Variants in PCSK5 observed in about 807,000 individuals in gnomAD.
PCSK5 encodes the protein proprotein convertase subtilisin/kexin type 5, also known as prohormone convertase 5.
A neutral mutation model predicts 233.2 loss-of-function variants in PCSK5; 129 were observed. The observed-to-expected ratio is 0.55, with a 90% CI of 0.48 to 0.64. The LOEUF is 0.64. Ranked by LOEUF, PCSK5 falls within the 30% of genes least tolerant of loss-of-function variation. PCSK5 has a pLI of 0.00. For synonymous variants in PCSK5, 825 were observed against 879.2 expected (o/e 0.94, Z 1.09); for missense variants, 2,076 against 2,430.1 (o/e 0.85, Z 3.06).
intron 20 of PCSK5, among the ~76,000 whole-genome samples, chr9:76,217,639 G>A (rs1392187143): frequency 6.6e-6 from 1 of 152,142 alleles, no homozygotes; most frequent in African/African-American, 2.4e-5. Flanking sequence ...CACCTCTTGG[G>A]GGAAGGCATG....
At chr9:76,257,982 G>A (rs530068872) in intron 24 of PCSK5, among the ~76,000 whole-genome samples, 1 of 152,160 alleles carries the variant, frequency 6.6e-6, no homozygotes, top group African/African-American at 2.4e-5. Flanking sequence ...TGAGACAAGT[G>A]AATATTGTTT....
At position 76,071,914 on chromosome 9, in the gene PCSK5, A is replaced by T. The variant is rs376353740; in HGVS notation, c.894+16A>T. 16 of 1,611,326 alleles carry T rather than the reference A, an allele frequency of 9.9e-6. No individual in the cohort carries two copies. The highest frequency in any genetic ancestry group is 1.4e-5 in the Non-Finnish European group (16 of 1,178,076). On this transcript the variant is annotated intron_variant, in intron 7 of 37. Transcript: ENST00000674117. ...CGTTAGAATGGTAGGTTTTAAAAGC[A>T]TGGAGGCTTATACTGTGTGGATGGG... is the stretch of plus-strand genomic sequence containing the variant.
chr9:76,322,477 A>C (rs1564179383), intron 31 of PCSK5, among the ~76,000 whole-genome samples: 2 of 152,336 alleles, frequency 1.3e-5, no homozygotes, highest in East Asian at 3.9e-4. Flanking sequence ...AGACTCATTT[A>C]ACTGGTGCTG....
intron 5 of PCSK5, among the ~76,000 whole-genome samples, chr9:76,040,325 G>GTCTCTCTCTCTCTCTCTC (rs757550088): frequency 1.5e-4 from 12 of 79,042 alleles, no homozygotes; most frequent in Non-Finnish European, 2.4e-4. Flanking sequence ...TGTGTTCTCT[G>GTCTCTCTCTCTCTCTCTC]TCTCTCTCTC....
At chr9:76,070,348 C>T (rs573071658) in intron 6 of PCSK5, among the ~76,000 whole-genome samples, 1 of 152,168 alleles carries the variant, frequency 6.6e-6, no homozygotes, top group South Asian at 2.1e-4. Context: ...TCCACCTCTC[C>T]TGTTAACACA....
intron 8 of PCSK5, among the ~76,000 whole-genome samples, chr9:76,103,445 T>G (rs1831845524): frequency 6.6e-6 from 1 of 152,134 alleles, no homozygotes; most frequent in African/African-American, 2.4e-5. Flanking sequence ...CTATAAAAGC[T>G]TGTCACTTAT....
At chr9:76,057,334 T>C (rs1829857297) in intron 5 of PCSK5, among the ~76,000 whole-genome samples, 1 of 152,116 alleles carries the variant, frequency 6.6e-6, no homozygotes, top group Non-Finnish European at 1.5e-5. Context: ...TTGTTTTAAA[T>C]CCATGTGAAA....
At chr9:75,932,557 G>T (rs898490785) in intron 2 of PCSK5, 74 bp downstream of exon 2, 68 of 860,546 alleles carry the variant, frequency 7.9e-5, no homozygotes, top group Admixed American at 2.4e-4. Flanking sequence ...CACACTAGGG[G>T]CTGAGGACCA....
intron 24 of PCSK5, among the ~76,000 whole-genome samples, chr9:76,290,741 T>C (rs929493744): frequency 2.6e-5 from 4 of 152,134 alleles, no homozygotes; most frequent in African/African-American, 9.7e-5. Flanking sequence ...AGGGAGTAAA[T>C]ATCTTTGGTC....
chr9:76,134,282 A>G (rs532378263), intron 10 of PCSK5, 70 bp downstream of exon 10: 1 of 938,436 alleles, frequency 1.1e-6, no homozygotes, highest in African/African-American at 1.7e-5. Context: ...AATGGAGAGC[A>G]GGAAACAGAA....
intron 24 of PCSK5, among the ~76,000 whole-genome samples, chr9:76,263,578 T>C (rs1269907940): frequency 6.8e-6 from 1 of 146,482 alleles, no homozygotes; most frequent in Admixed American, 6.9e-5. Context: ...AATTGAACAA[T>C]AGGAACACAT....
rs28455663 is a variant in PCSK5 at position 76,279,280 on chromosome 9, C to T, written c.3143-12953C>T. Among the ~76,000 whole-genome samples the T allele has an allele frequency of 3.7e-3, 541 of 148,020 alleles. 5 individuals are homozygous for T. Among genetic ancestry groups the T allele is most frequent in the African/African-American group, 0.013 (475 of 37,914 alleles). ...TGGCTGCATAGTATTCCATGGTGTA[C>T]ATGTGCCACATTTTCTTAATCCAGT... On this transcript the variant is annotated intron_variant, in intron 24 of 37. Coordinates refer to ENST00000674117, the MANE Select transcript of PCSK5 (RefSeq NM_001372043.1).
At chr9:76,277,204 G>A (rs528831945) in intron 24 of PCSK5, among the ~76,000 whole-genome samples, 3 of 152,194 alleles carry the variant, frequency 2.0e-5, no homozygotes, top group Admixed American at 6.5e-5. Context: ...CAGCCTGGGC[G>A]ACAGAGTGAG....
chr9:76,113,236 G>A (rs955141187), intron 9 of PCSK5, among the ~76,000 whole-genome samples: 1 of 152,098 alleles, frequency 6.6e-6, no homozygotes, highest in Non-Finnish European at 1.5e-5. Flanking sequence ...TCTACCTTTT[G>A]TCTTTGGAGG....
chr9:76,090,346 G>A (rs1831235335), intron 7 of PCSK5, among the ~76,000 whole-genome samples: 1 of 151,896 alleles, frequency 6.6e-6, no homozygotes, highest in Non-Finnish European at 1.5e-5. Context: ...CCTATGAATG[G>A]AAACCCCCTG....
chr9:75,978,952 A>G (rs1826152382), intron 2 of PCSK5, among the ~76,000 whole-genome samples: 1 of 144,166 alleles, frequency 6.9e-6, no homozygotes, highest in African/African-American at 2.5e-5. Flanking sequence ...GGCTCACCGC[A>G]ACCTCCACCT....
At chr9:76,293,120 C>G (rs17062380) in intron 25 of PCSK5, among the ~76,000 whole-genome samples, 43,724 of 152,008 alleles carry the variant, frequency 0.29, 6,515 homozygotes, top group African/African-American at 0.33. Context: ...CGACATTTGG[C>G]CTTTGGCGGG....
intron 20 of PCSK5, among the ~76,000 whole-genome samples, chr9:76,192,432 A>ATATT (rs1824440620): frequency 6.6e-6 from 1 of 152,170 alleles, no homozygotes; most frequent in Non-Finnish European, 1.5e-5. Context: ...TCTAAGACAT[A>ATATT]TATTTTTTAC....
At chr9:76,312,470 T>G (rs1209623147) in intron 30 of PCSK5, among the ~76,000 whole-genome samples, 1 of 151,600 alleles carries the variant, frequency 6.6e-6, no homozygotes, top group African/African-American at 2.4e-5. Flanking sequence ...GATCACACCG[T>G]TATATTCCAG....
Sources: allele counts gnomAD v4.1 joint callset (sites outside exome capture counted in the v4.1 genomes callset), GRCh38; gene constraint gnomAD v4.1.1; transcripts MANE v1.5; gene names NCBI Gene and HGNC (gene_info 2026-07-23, HGNC 2026-07-21).